The following BTRC variants were observed in gnomAD, a reference collection of about 807,000 sequenced individuals.
BTRC encodes F-box/WD repeat-containing protein 1A.
In BTRC, 42 loss-of-function variants were observed where a neutral mutation model predicts 85.5. That is an observed-to-expected ratio of 0.49 (90% CI 0.38 to 0.64). BTRC has a LOEUF of 0.64. Among genes scored for constraint, BTRC ranks in the 30% least tolerant of loss-of-function variants. The pLI is 0.00. For missense variants in BTRC, 594 were observed against 743.5 expected (o/e 0.80, Z 2.34); for synonymous variants, 255 against 263.3 (o/e 0.97, Z 0.30).
intron 1 of BTRC, 170 bp downstream of exon 1, chr10:101,354,398 C>T: frequency 2.8e-6 from 2 of 707,664 alleles, no homozygotes; most frequent in Non-Finnish European, 4.5e-6. Flanking sequence ...CTGGGGGTTG[C>T]GGAGCGGACC....
intron 1 of BTRC, among the ~76,000 whole-genome samples, chr10:101,389,670 A>C (rs1018690549): frequency 1.7e-5 from 2 of 120,144 alleles, no homozygotes; most frequent in Non-Finnish European, 3.2e-5. Flanking sequence ...CCCAGGCTGG[A>C]GTGCCATGGA....
In BTRC at chr10:101,462,140, T is replaced by A. The variant is rs540254391; in HGVS notation, c.234+82T>A. The A allele has an allele frequency of 6.1e-6, 7 of 1,154,194 alleles. No homozygotes were observed. In the South Asian group the frequency reaches 9.2e-5, roughly 15 times the overall value. The allele number at this position is 1,154,194 out of a possible 1,614,324, so 71.5% of individuals were successfully genotyped here. A position where few individuals can be genotyped will look rare whatever the true frequency, so the allele number is the denominator to read the frequency against. The stretch of plus-strand genomic sequence containing the variant: ...GGAGGAAACCCTTGATTTGCCATTC[T>A]TTAAGCACTGGAGCTTATATTAAGA... On this transcript the variant is annotated intron_variant, in intron 3 of 14. Coordinates refer to ENST00000370187, the MANE Select transcript of BTRC (RefSeq NM_033637.4).
At chr10:101,414,734 T>A (rs1270513387) in intron 1 of BTRC, 2 of 447,508 alleles carry the variant, frequency 4.5e-6, no homozygotes, top group Non-Finnish European at 8.9e-6. Context: ...TAGGCTAATG[T>A]AATGTGTGTG....
chr10:101,461,431 C>G (rs540560859), intron 2 of BTRC, among the ~76,000 whole-genome samples: 3 of 152,206 alleles, frequency 2.0e-5, no homozygotes, highest in Non-Finnish European at 4.4e-5. Context: ...GGGCCTCTAG[C>G]TGCTGTTTGA....
chr10:101,505,476 C>T (rs1035478914), intron 4 of BTRC, among the ~76,000 whole-genome samples: 1 of 151,310 alleles, frequency 6.6e-6, no homozygotes, highest in Non-Finnish European at 1.5e-5. Context: ...AAAAATTAGC[C>T]GGGCGTGGTG....
intron 1 of BTRC, among the ~76,000 whole-genome samples, chr10:101,389,119 G>GTGTTTTTTTTTTTTT (rs1943166078): frequency 2.4e-5 from 1 of 41,556 alleles, no homozygotes. Context: ...TTTTGTGTGT[G>GTGTTTTTTTTTTTTT]TTTTTTTTTT....
chr10:101,519,533 C>T (rs568838461), intron 4 of BTRC, among the ~76,000 whole-genome samples: 3 of 152,318 alleles, frequency 2.0e-5, no homozygotes, highest in Non-Finnish European at 2.9e-5. Context: ...TTCTGTAACC[C>T]GTTGAAGCAA....
At chr10:101,535,736 A>T (rs1189582205) in intron 11 of BTRC, among the ~76,000 whole-genome samples, 4 of 152,208 alleles carry the variant, frequency 2.6e-5, no homozygotes, top group African/African-American at 9.7e-5. Context: ...CATTGTTTTT[A>T]AGAAATGAAA....
intron 11 of BTRC, 34 bp from the exon 12 acceptor site, chr10:101,536,509 G>A (rs769783805): frequency 5.3e-6 from 8 of 1,502,636 alleles, no homozygotes; most frequent in South Asian, 2.3e-5. Context: ...AAAAGAATAC[G>A]TGAAAATTCA....
intron 5 of BTRC, among the ~76,000 whole-genome samples, chr10:101,523,343 A>AT (rs2062147782): frequency 6.6e-6 from 1 of 152,154 alleles, no homozygotes; most frequent in African/African-American, 2.4e-5. Flanking sequence ...ACATAAAATC[A>AT]TTTTTTTGGA....
rs774379184 is a variant in BTRC, at chr10:101,354,192, C to T, written c.12C>T (p.Ala4=). 26 of 1,548,956 alleles carry T rather than the reference C, an allele frequency of 1.7e-5. No individual in the cohort carries two copies. The South Asian group carries it at 2.3e-4, about 13-fold the overall frequency. The change falls in exon 1 of 15, where the codon GCC becomes GCT. Residue 4 remains alanine (A), a synonymous_variant. Coordinates refer to ENST00000370187, the MANE Select transcript of BTRC (RefSeq NM_033637.4). ...TGGCCTCGGCGATTATGGACCCGGC[C>T]GAGGCGGTGCTGCAAGAGAAGGCAC... is the stretch of plus-strand genomic sequence containing the variant. The part of the protein sequence containing the change: MDP[A]EAVLQEKALK...
chr10:101,448,834 A>G (rs1412363634), intron 2 of BTRC, among the ~76,000 whole-genome samples: 1 of 151,776 alleles, frequency 6.6e-6, no homozygotes, highest in Admixed American at 6.6e-5. Context: ...CTCCCTATAT[A>G]TTACTTTTCT....
intron 1 of BTRC, among the ~76,000 whole-genome samples, chr10:101,415,947 G>C (rs1943934582): frequency 6.6e-6 from 1 of 152,108 alleles, no homozygotes; most frequent in Non-Finnish European, 1.5e-5. Context: ...GTAACATGCT[G>C]TCCCTGCTTG....
chr10:101,386,679 A>G (rs989813987), intron 1 of BTRC, among the ~76,000 whole-genome samples: 2 of 152,220 alleles, frequency 1.3e-5, no homozygotes, highest in East Asian at 1.9e-4. Flanking sequence ...CAGTGTCACA[A>G]TTGATGACAG....
At chr10:101,413,614 T>C (rs1465103798) in intron 1 of BTRC, among the ~76,000 whole-genome samples, 1 of 152,102 alleles carries the variant, frequency 6.6e-6, no homozygotes, top group Non-Finnish European at 1.5e-5. Flanking sequence ...GCACCCAGCC[T>C]GAGGGAAGTG....
chr10:101,440,617 G>A (rs1254319504), intron 2 of BTRC, among the ~76,000 whole-genome samples: 1 of 152,136 alleles, frequency 6.6e-6, no homozygotes, highest in Non-Finnish European at 1.5e-5. Context: ...AGCTACTCGG[G>A]AGGCTGAGGT....
intron 4 of BTRC, among the ~76,000 whole-genome samples, chr10:101,481,191 C>G (rs1564798627): frequency 6.6e-6 from 1 of 152,202 alleles, no homozygotes; most frequent in African/African-American, 2.4e-5. Context: ...TAATCCTCCC[C>G]ACTAGGCCTG....
chr10:101,383,801 T>A (rs1397782714), intron 1 of BTRC, among the ~76,000 whole-genome samples: 1 of 152,252 alleles, frequency 6.6e-6, no homozygotes, highest in Non-Finnish European at 1.5e-5. Context: ...GCTAAATTAC[T>A]GAATAGGATC....
intron 1 of BTRC, among the ~76,000 whole-genome samples, chr10:101,397,446 C>G (rs1943392336): frequency 6.6e-6 from 1 of 152,196 alleles, no homozygotes; most frequent in Non-Finnish European, 1.5e-5. Flanking sequence ...AGTTAAATCC[C>G]TCTGGTGCCA....
Sources: allele counts gnomAD v4.1 joint callset (sites outside exome capture counted in the v4.1 genomes callset), GRCh38; gene constraint gnomAD v4.1.1; transcripts MANE v1.5; gene names NCBI Gene and HGNC (gene_info 2026-07-23, HGNC 2026-07-21).